The following PCSK5 variants were observed in gnomAD, a reference collection of about 807,000 sequenced individuals.
PCSK5 encodes proprotein convertase subtilisin/kexin type 5, also known as prohormone convertase 5.
A neutral mutation model predicts 233.2 loss-of-function variants in PCSK5; 129 were observed. The ratio of observed to expected loss-of-function variants is 0.55; its 90% CI spans 0.48 to 0.64. PCSK5 has a LOEUF of 0.64. PCSK5 is among the 30% of genes least tolerant of loss of function. PCSK5 has a pLI of 0.00. For missense variants in PCSK5, 2,076 were observed against 2,430.1 expected, an observed-to-expected ratio of 0.85 and a Z score of 3.06; for synonymous variants, 825 against 879.2, an observed-to-expected ratio of 0.94 and a Z score of 1.09.
Position 76,273,492 on chromosome 9 carries a change from A to G in PCSK5, c.3143-18741A>G, listed in dbSNP as rs374970201. On this transcript the variant is annotated intron_variant, in intron 24 of 37. Coordinates refer to ENST00000674117, the MANE Select transcript of PCSK5 (RefSeq NM_001372043.1). ...GTCTCTTTATCACTCTCCCTGGGCT[A>G]ACAGCTGTTTGCTTTCTTGGTTATT... 9.3e-5 allele frequency among the ~76,000 whole-genome samples: 14 copies of G among 150,564 alleles called. No homozygotes were observed. The East Asian group carries it at 2.3e-3, about 25-fold the overall frequency.
intron 15 of PCSK5, among the ~76,000 whole-genome samples, chr9:76,180,085 G>GTA (rs1453245449): frequency 1.4e-4 from 12 of 88,534 alleles, no homozygotes; most frequent in African/African-American, 6.0e-4. Context: ...ATGTGTGTGT[G>GTA]TGTATATATA....
At chr9:76,352,354 G>C (rs906684258) in intron 36 of PCSK5, among the ~76,000 whole-genome samples, 1 of 152,122 alleles carries the variant, frequency 6.6e-6, no homozygotes, top group African/African-American at 2.4e-5. Context: ...ACTGCAAGCT[G>C]TTTTATCAGC....
chr9:76,252,805 G>A (rs1826854941), intron 24 of PCSK5, among the ~76,000 whole-genome samples: 1 of 152,152 alleles, frequency 6.6e-6, no homozygotes, highest in South Asian at 2.1e-4. Context: ...CATAGGAAGT[G>A]AGACCCTAGT....
chr9:76,290,045 G>T (rs1828230411), intron 24 of PCSK5, among the ~76,000 whole-genome samples: 1 of 152,178 alleles, frequency 6.6e-6, no homozygotes, highest in African/African-American at 2.4e-5. Flanking sequence ...TAAAGAACAG[G>T]ATTAGAATTT....
chr9:76,010,114 G>A (rs1460344049), intron 3 of PCSK5, among the ~76,000 whole-genome samples: 1 of 152,102 alleles, frequency 6.6e-6, no homozygotes, highest in Admixed American at 6.6e-5. Flanking sequence ...TACTGATGAG[G>A]GATATCATAC....
In PCSK5 at chr9:76,323,204, A is replaced by C. The variant is rs771286669; in HGVS notation, c.4255A>C (p.Ser1419Arg). The C allele has an allele frequency of 6.2e-7, 1 of 1,612,694 alleles. No homozygotes were observed. The highest frequency in any genetic ancestry group is 8.5e-7 in the Non-Finnish European group (1 of 1,179,820). ...CGACGACTGCGAGCTCTGTCTTGAGAGTTCCTGGGTCCTCTATGATGGACT... is the reference window on the plus strand; with the variant it reads ...CGACGACTGCGAGCTCTGTCTTGAGCGTTCCTGGGTCCTCTATGATGGACT... The part of the protein sequence containing the change: ...KADDCELCLE[S>R]SWVLYDGLCL... Residue 1419 changes from serine to arginine, a missense_variant, in exon 32 of 38, where the codon AGT becomes CGT. By Grantham distance (110) the Ser-to-Arg change is moderately radical. Around this residue, in one of 6 missense-constraint regions of PCSK5, gnomAD observed 1,510 missense variants for 1,538.1 expected, o/e 0.98. Transcript: ENST00000674117.
At chr9:76,040,299 G>T (rs762111511) in intron 5 of PCSK5, among the ~76,000 whole-genome samples, 45 of 140,814 alleles carry the variant, frequency 3.2e-4, no homozygotes, top group South Asian at 4.5e-4. Context: ...GCCAAGTAAG[G>T]TCTCACTCCC....
intron 10 of PCSK5, among the ~76,000 whole-genome samples, chr9:76,140,516 G>T (rs1823167398): frequency 9.1e-6 from 1 of 109,570 alleles, no homozygotes; most frequent in South Asian, 3.3e-4. Context: ...CCTGAAATGA[G>T]AATAAAGATG....
intron 1 of PCSK5, among the ~76,000 whole-genome samples, chr9:75,910,691 G>T (rs1214109972): frequency 6.6e-6 from 1 of 151,436 alleles, no homozygotes; most frequent in Non-Finnish European, 1.5e-5. Context: ...TCAAAAAATT[G>T]TTTAATAGAG....
At chr9:76,187,016 A>G (rs1159898117) in intron 17 of PCSK5, among the ~76,000 whole-genome samples, 2 of 152,152 alleles carry the variant, frequency 1.3e-5, no homozygotes, top group African/African-American at 4.8e-5. Flanking sequence ...AAGAACAAAC[A>G]GGGGAAAAAA....
intron 10 of PCSK5, among the ~76,000 whole-genome samples, chr9:76,155,839 T>C (rs1230364493): frequency 6.6e-6 from 1 of 152,094 alleles, no homozygotes; most frequent in Non-Finnish European, 1.5e-5. Context: ...GAGTAGGGCT[T>C]AACTCTGCAG....
At chr9:76,080,917 T>G (rs1450976271) in intron 7 of PCSK5, among the ~76,000 whole-genome samples, 4 of 152,190 alleles carry the variant, frequency 2.6e-5, no homozygotes, top group Non-Finnish European at 5.9e-5. Flanking sequence ...CATAAAATTT[T>G]TATTGTTCTA....
intron 14 of PCSK5, among the ~76,000 whole-genome samples, chr9:76,178,725 AT>A (rs1202610142): frequency 6.6e-6 from 1 of 152,238 alleles, no homozygotes; most frequent in Non-Finnish European, 1.5e-5. Flanking sequence ...TTAAAATCAT[AT>A]GAATTTTCAG....
At chr9:76,338,924 C>T (rs900035057) in intron 35 of PCSK5, among the ~76,000 whole-genome samples, 4 of 152,068 alleles carry the variant, frequency 2.6e-5, no homozygotes, top group Non-Finnish European at 5.9e-5. Flanking sequence ...TTCTCCTTCC[C>T]CTGTTGCCTG....
chr9:76,318,754 T>A, intron 30 of PCSK5, among the ~76,000 whole-genome samples: 1 of 152,228 alleles, frequency 6.6e-6, no homozygotes, highest in Non-Finnish European at 1.5e-5. Context: ...GTTGACAGCA[T>A]CCAGTGGTTC....
At chr9:76,283,760 A>C (rs1827959361) in intron 24 of PCSK5, among the ~76,000 whole-genome samples, 2 of 152,224 alleles carry the variant, frequency 1.3e-5, no homozygotes, top group South Asian at 4.1e-4. Context: ...TTATGTACTA[A>C]AGCTACAGAA....
Position 76,232,358 on chromosome 9 carries a change from C to A in PCSK5, c.2730-1102C>A, listed in dbSNP as rs189454459. On this transcript the variant is annotated intron_variant, in intron 21 of 37. Coordinates refer to ENST00000674117, the MANE Select transcript of PCSK5 (RefSeq NM_001372043.1). ...TATGCTATGTGCTCAGTGAACCTCA[C>A]AATTGATACAATAACTTATTCTAAG... is the stretch of plus-strand genomic sequence containing the variant. Among the ~76,000 whole-genome samples, 6 of 152,314 alleles carry A rather than the reference C, an allele frequency of 3.9e-5. No homozygotes were observed. The East Asian group carries it at 1.2e-3, about 29-fold the overall frequency.
At chr9:76,173,408 G>A (rs371083669) in intron 13 of PCSK5, among the ~76,000 whole-genome samples, 37 of 140,470 alleles carry the variant, frequency 2.6e-4, no homozygotes, top group African/African-American at 9.5e-4. Flanking sequence ...GCCTATGTTT[G>A]TAATGGTTTT....
At chr9:76,245,536 T>C (rs115429928) in intron 24 of PCSK5, among the ~76,000 whole-genome samples, 3,308 of 152,294 alleles carry the variant, frequency 0.022, 100 homozygotes, top group South Asian at 0.12. Flanking sequence ...AGAAGAGCTG[T>C]ACTATAGGGG....
Sources: gnomAD v4.1 joint callset for allele counts (sites outside exome capture counted in the v4.1 genomes callset) on GRCh38, gnomAD v4.1.1 for gene constraint, gnomAD v4.1.1 regional missense constraint, MANE v1.5 for transcripts, NCBI Gene and HGNC (gene_info 2026-07-23, HGNC 2026-07-21) for gene names.